SPTA1: variants seen among roughly 807,000 people sequenced by gnomAD.
The protein encoded by SPTA1 is spectrin alpha chain, erythrocytic 1.
A neutral mutation model predicts 324.7 loss-of-function variants in SPTA1; 177 were observed. The observed-to-expected ratio is 0.55, with a 90% CI of 0.48 to 0.62. The LOEUF (loss-of-function observed/expected upper bound fraction) is 0.62, where lower values mean the gene tolerates loss of function less well. SPTA1 is among the 20% of genes least tolerant of loss of function. The pLI, the probability that SPTA1 is intolerant of heterozygous loss-of-function variation, is 0.00. For synonymous variants in SPTA1, 1,195 were observed against 1,041.3 expected (o/e 1.15, Z -2.84); for missense variants, 3,162 against 2,883.6 (o/e 1.10, Z -2.21).
Position 158,678,427 on chromosome 1 carries a change from A to G in SPTA1, c.786T>C (p.Asn262=), listed in dbSNP as rs1305186438. ...LALQRQKALS[N]AANLQRFKRD... ...TTTTGAATCGTTGTAAGTTTGCAGC[A>G]TTGGACAGAGCTTTCTGTCTCTGGA... The change falls in exon 6 of 52, where the codon AAT becomes AAC. Residue 262 remains asparagine (N), a synonymous_variant. Transcript: ENST00000643759. The G allele has an allele frequency of 6.2e-7, 1 of 1,613,604 alleles. No individual in the cohort carries two copies. The highest frequency in any genetic ancestry group is 1.3e-5 in the African/African-American group (1 of 74,896).
intron 5 of SPTA1, among the ~76,000 whole-genome samples, chr1:158,679,792 A>G (rs1017648863): frequency 5.9e-5 from 9 of 152,164 alleles, no homozygotes; most frequent in Non-Finnish European, 1.0e-4. Context: ...ATAAATGAAA[A>G]ACTTCCACAG....
chr1:158,668,376 A>G (rs1202107725), intron 14 of SPTA1, among the ~76,000 whole-genome samples: 1 of 152,180 alleles, frequency 6.6e-6, no homozygotes, highest in Non-Finnish European at 1.5e-5. Flanking sequence ...ATTATCTTGC[A>G]TTCCTCACCG....
intron 49 of SPTA1, 93 bp from the exon 50 acceptor site, chr1:158,613,960 G>C: frequency 9.2e-6 from 13 of 1,409,580 alleles, no homozygotes; most frequent in Non-Finnish European, 1.2e-5. Context: ...GTCAGCTGAA[G>C]CTTTATTGAC....
intron 10 of SPTA1, among the ~76,000 whole-genome samples, chr1:158,673,547 T>C (rs1364875087): frequency 6.6e-6 from 1 of 152,214 alleles, no homozygotes; most frequent in East Asian, 1.9e-4. Flanking sequence ...AAATCACAGA[T>C]GCAGGAATGT....
At chr1:158,640,327 T>C (rs1016098982) in intron 33 of SPTA1, among the ~76,000 whole-genome samples, 4 of 152,118 alleles carry the variant, frequency 2.6e-5, no homozygotes, top group Non-Finnish European at 5.9e-5. Flanking sequence ...TTTCTTAGTG[T>C]TCCAGGTACT....
intron 45 of SPTA1, 99 bp downstream of exon 45, chr1:158,619,123 G>T: frequency 8.8e-7 from 1 of 1,141,874 alleles, no homozygotes; most frequent in Non-Finnish European, 1.3e-6. Flanking sequence ...CAGAATACAT[G>T]CTCTCAGAGT....
In SPTA1 at chr1:158,635,923, C is replaced by T. The variant is rs1041768249; in HGVS notation, c.5422G>A (p.Ala1808Thr). ...CTGTATCCCACTCACCGGGCCTTGGCCAACTCTTTGAGCTTCTCCCAGTGT... is the reference window on the plus strand; with the variant it reads ...CTGTATCCCACTCACCGGGCCTTGGTCAACTCTTTGAGCTTCTCCCAGTGT... The part of the protein sequence containing the change: ...VEHWEKLKEL[A>T]KARGLKLEES... The change falls in exon 38 of 52, where the codon GCC (alanine) becomes ACC (threonine). Residue 1808 changes from alanine to threonine, a missense_variant. Ala to Thr is a moderately conservative substitution (Grantham distance 58). Coordinates refer to ENST00000643759, the MANE Select transcript of SPTA1 (RefSeq NM_003126.4). 4.3e-6 allele frequency: 7 copies of T among 1,614,186 alleles called. No individual in the cohort carries two copies. Among genetic ancestry groups the T allele is most frequent in the Non-Finnish European group, 4.2e-6 (5 of 1,180,022 alleles).
At chr1:158,619,016 G>A (rs558836247) in intron 45 of SPTA1, among the ~76,000 whole-genome samples, 5 of 152,326 alleles carry the variant, frequency 3.3e-5, no homozygotes, top group African/African-American at 9.6e-5. Context: ...ATAATAAGCA[G>A]AAGGATGAAA....
intron 12 of SPTA1, among the ~76,000 whole-genome samples, chr1:158,670,935 T>C (rs1283883883): frequency 6.6e-6 from 1 of 152,002 alleles, no homozygotes; most frequent in Non-Finnish European, 1.5e-5. Context: ...AAGAATTCAA[T>C]AATTTCTATT....
chr1:158,625,298 T>C (rs1019651674), intron 42 of SPTA1, among the ~76,000 whole-genome samples: 12 of 152,198 alleles, frequency 7.9e-5, no homozygotes, highest in African/African-American at 2.7e-4. Context: ...GAACATTTTA[T>C]AATTAAAAGT....
intron 42 of SPTA1, among the ~76,000 whole-genome samples, chr1:158,623,440 C>A (rs1482019641): frequency 5.9e-5 from 9 of 152,044 alleles, no homozygotes; most frequent in African/African-American, 2.2e-4. Context: ...GACTGTGTCC[C>A]CACCCAAATC....
chr1:158,654,473 C>A (rs1652683653), intron 21 of SPTA1, 138 bp downstream of exon 21: 1 of 1,210,168 alleles, frequency 8.3e-7, no homozygotes, highest in East Asian at 2.6e-5. Flanking sequence ...AAAAATACTA[C>A]CTAATCAGTT....
intron 1 of SPTA1, 53 bp downstream of exon 1, chr1:158,686,441 T>A: frequency 1.6e-6 from 2 of 1,242,556 alleles, no homozygotes; most frequent in East Asian, 4.6e-5. Context: ...AAAGGAAACA[T>A]CTTTCCTAAT....
chr1:158,623,167 C>T lies in SPTA1; in HGVS notation c.5936G>A (p.Ser1979Asn). 6.2e-7 allele frequency: 1 copy of T among 1,614,166 alleles called. No individual in the cohort carries two copies. The highest frequency in any genetic ancestry group is 8.5e-7 in the Non-Finnish European group (1 of 1,180,026). ...KQDTLDASLQ[S>N]FQQERLPEIT... ...CTCGGGAAGTCTCTCTTGCTGGAAA[C>T]TCTGCAGACTGGCATCCAGAGTGTC... The change falls in exon 43 of 52, where the codon AGT (serine) becomes AAT (asparagine). Residue 1979 changes from serine to asparagine, a missense_variant. Ser to Asn is a conservative substitution (Grantham distance 46). Transcript: ENST00000643759.
At chr1:158,667,446 G>A (rs1169315089) in intron 15 of SPTA1, among the ~76,000 whole-genome samples, 4 of 152,128 alleles carry the variant, frequency 2.6e-5, no homozygotes, top group African/African-American at 4.8e-5. Flanking sequence ...GGAAAATCAC[G>A]TGTGACATCA....
intron 10 of SPTA1, among the ~76,000 whole-genome samples, chr1:158,673,719 A>G (rs1473533137): frequency 1.3e-5 from 2 of 152,194 alleles, no homozygotes; most frequent in Non-Finnish European, 2.9e-5. Context: ...GAAACTGGGC[A>G]TACGTCAGGA....
rs1651895737 is a variant in SPTA1 at position 158,645,136 on chromosome 1, A to T, written c.4194+52T>A. Reference sequence around the variant, plus strand: ...GCCTGTAATGACCATATGAAATTGCATAGGAGAAACAGACTACTGAACCTG... The same window carrying T: ...GCCTGTAATGACCATATGAAATTGCTTAGGAGAAACAGACTACTGAACCTG... On this transcript the variant is annotated intron_variant, in intron 29 of 51. Transcript: ENST00000643759. 5 of 1,594,712 alleles carry T rather than the reference A, an allele frequency of 3.1e-6. No homozygotes were observed. The Admixed American group carries it at 8.3e-5, about 27-fold the overall frequency.
chr1:158,663,811 C>T (rs143333211), intron 16 of SPTA1, among the ~76,000 whole-genome samples: 2,647 of 152,042 alleles, frequency 0.017, 83 homozygotes, highest in African/African-American at 0.06. Context: ...ATATGTATGC[C>T]TATGTAACAA....
intron 10 of SPTA1, 101 bp downstream of exon 10, chr1:158,674,228 C>A (rs1363363605): frequency 2.6e-5 from 31 of 1,202,074 alleles, no homozygotes; most frequent in Non-Finnish European, 3.7e-5. Context: ...GTTTAAATGA[C>A]TTCTATTCTT....
Sources: gnomAD v4.1 joint callset for allele counts (sites outside exome capture counted in the v4.1 genomes callset) on GRCh38, gnomAD v4.1.1 for gene constraint, MANE v1.5 for transcripts, NCBI Gene and HGNC (gene_info 2026-07-23, HGNC 2026-07-21) for gene names.